TRIP13: variants seen among roughly 807,000 people sequenced by gnomAD.
The protein encoded by TRIP13 is thyroid hormone receptor interactor 13, also known as pachytene checkpoint protein 2 homolog.
TRIP13 carries 25 observed loss-of-function variants against 54.4 expected under a neutral mutation model. That is an observed-to-expected ratio of 0.46 (90% confidence interval 0.33 to 0.64). The LOEUF (loss-of-function observed/expected upper bound fraction) is 0.64. Among genes scored for constraint, TRIP13 ranks in the 30% least tolerant of loss-of-function variants. TRIP13 has a pLI of 0.02. For synonymous variants in TRIP13, 207 were observed against 207.8 expected (o/e 1.00, Z 0.03); for missense variants, 373 against 534.2 (o/e 0.70, Z 2.97).
chr5:908,321 T>G lies in TRIP13; in HGVS notation c.760-34T>G. The G allele has an allele frequency of 1.2e-6, 2 of 1,605,026 alleles. No individual in the cohort carries two copies. Among genetic ancestry groups the G allele is most frequent in the Non-Finnish European group, 1.7e-6 (2 of 1,177,952 alleles). On this transcript the variant is annotated intron_variant, in intron 8 of 12. Transcript: ENST00000166345. The surrounding 1 kb of genome is among the most constrained non-coding windows in gnomAD (Gnocchi z 5.2). ...TAGCTGCCTGTGAAGTGCCAGGCCC[T>G]GTCCTTTTTGACCCCACTGCTCCCT... is the stretch of plus-strand genomic sequence containing the variant.
In TRIP13 at chr5:908,126, T is replaced by C; in HGVS notation, c.759+52T>C. The C allele has an allele frequency of 6.3e-7, 1 of 1,596,542 alleles. No homozygotes were observed. The highest frequency in any genetic ancestry group is 8.6e-7 in the Non-Finnish European group (1 of 1,164,092). On this transcript the variant is annotated intron_variant, in intron 8 of 12. Coordinates refer to ENST00000166345, the MANE Select transcript of TRIP13 (RefSeq NM_004237.4). This position sits in a 1 kb window ranked among gnomAD's most constrained non-coding sequence, Gnocchi z 5.2. ...ATGACAGAATCGCCTTTTGCCATTGTGGGGACACAGCCTACTCCTGATGCT... is the reference window on the plus strand; with the variant it reads ...ATGACAGAATCGCCTTTTGCCATTGCGGGGACACAGCCTACTCCTGATGCT...
rs898082087 is a variant in TRIP13 at position 911,075 on chromosome 5, G to A, written c.867-768G>A. On this transcript the variant is annotated intron_variant, in intron 9 of 12. Transcript: ENST00000166345. The surrounding 1 kb of genome is among the most constrained non-coding windows in gnomAD (Gnocchi z 4.7). The stretch of plus-strand genomic sequence containing the variant: ...TGCCCGCTCTGCTGGCTCATGCTGG[G>A]TCCTTGGGGGACATTGGTCAACAGA... Among the ~76,000 whole-genome samples the A allele has an allele frequency of 1.3e-5, 2 of 152,248 alleles. 1 individual carries two copies. The highest frequency in any genetic ancestry group is 1.3e-4 in the Admixed American group (2 of 15,288).
rs1453464706 is a variant in TRIP13 at position 892,931 on chromosome 5, C to A, written c.-68C>A. On this transcript the variant is annotated 5_prime_UTR_variant, in exon 1 of 13. Coordinates refer to ENST00000166345, the MANE Select transcript of TRIP13 (RefSeq NM_004237.4). ...CCGCGGGCTGAGGCAGCGGCTGTGG[C>A]GGCGACGCTGGGCGTGAGGTGGCGG... is the stretch of plus-strand genomic sequence containing the variant. 8.8e-6 allele frequency: 12 copies of A among 1,364,100 alleles called. No individual in the cohort carries two copies. The Admixed American group carries it at 1.5e-4, about 18-fold the overall frequency. 84.5% of individuals were successfully genotyped at this position (1,364,100 alleles called of 1,614,324 possible).
At chr5:910,530 GCTGATGGCCTCGCTGTGCAC>G (rs1303823938) in intron 9 of TRIP13, among the ~76,000 whole-genome samples, 4 of 152,070 alleles carry the variant, frequency 2.6e-5, no homozygotes, top group Non-Finnish European at 5.9e-5. Flanking sequence ...TCCACACGAC[GCTGATGGCCTCGCTGTGCAC>G]CTGCCACTCA....
chr5:915,601 G>T lies in TRIP13; in HGVS notation c.1134-303G>T, dbSNP rs1022451113. 2.0e-5 allele frequency among the ~76,000 whole-genome samples: 3 copies of T among 152,212 alleles called. No individual in the cohort carries two copies. The highest frequency in any genetic ancestry group is 4.4e-5 in the Non-Finnish European group (3 of 68,034). On this transcript the variant is annotated intron_variant, in intron 11 of 12. Transcript: ENST00000166345. The surrounding 1 kb of genome is among the most constrained non-coding windows in gnomAD (Gnocchi z 4.2). Reference sequence around the variant, plus strand: ...GCCTTCCCTGAGCACAAGGATGCTGGCCCTGGGGCAGAGCACACAGGTGTG... The same window carrying T: ...GCCTTCCCTGAGCACAAGGATGCTGTCCCTGGGGCAGAGCACACAGGTGTG...
At chr5:901,208 A>T (rs753792141) in intron 4 of TRIP13, 133 bp from the exon 5 acceptor site, 10 of 633,686 alleles carry the variant, frequency 1.6e-5, no homozygotes, top group Non-Finnish European at 1.9e-5. Context: ...GGAGGTGATG[A>T]TCTCTTAGGA....
intron 5 of TRIP13, 88 bp downstream of exon 5, chr5:901,519 GCT>G (rs1753990315): frequency 7.6e-7 from 1 of 1,310,020 alleles, no homozygotes; most frequent in South Asian, 1.3e-5. Flanking sequence ...AGGAGTTACG[GCT>G]CTTTGTTTTC....
Position 908,085 on chromosome 5 carries a change from C to T in TRIP13, c.759+11C>T, listed in dbSNP as rs1397283710. The T allele has an allele frequency of 1.2e-6, 2 of 1,613,920 alleles. No individual in the cohort carries two copies. On this transcript the variant is annotated intron_variant, in intron 8 of 12. Coordinates refer to ENST00000166345, the MANE Select transcript of TRIP13 (RefSeq NM_004237.4). This position sits in a 1 kb window ranked among gnomAD's most constrained non-coding sequence, Gnocchi z 5.2. ...GTGCTGATTGATGAGGTAGGCATTTCCAGATAAGGAAATTCATGACAGAAT... is the reference window on the plus strand; with the variant it reads ...GTGCTGATTGATGAGGTAGGCATTTTCAGATAAGGAAATTCATGACAGAAT...
Position 917,197 on chromosome 5 carries a change from T to A in TRIP13, c.*94T>A. On this transcript the variant is annotated 3_prime_UTR_variant, in exon 13 of 13. Transcript: ENST00000166345. ...CAGCCGTCTCCCAGGGAATCCCTTC[T>A]GCAAACCAAACGTTACTTAGACTGC... The A allele has an allele frequency of 3.2e-6, 4 of 1,246,678 alleles. No homozygotes were observed. The highest frequency in any genetic ancestry group is 3.4e-6 in the Non-Finnish European group (3 of 886,176). The allele number at this position is 1,246,678 out of a possible 1,614,324, so 77.2% of individuals were successfully genotyped here.
rs1371764691 is a variant in TRIP13 at position 917,161 on chromosome 5, G to A, written c.*58G>A. On this transcript the variant is annotated 3_prime_UTR_variant, in exon 13 of 13. Coordinates refer to ENST00000166345, the MANE Select transcript of TRIP13 (RefSeq NM_004237.4). ...GGAGAACACACAACCAGTAAGTGAG[G>A]TTGCCCCACACAGCCGTCTCCCAGG... The A allele has an allele frequency of 1.3e-6, 2 of 1,565,784 alleles. No homozygotes were observed. Among genetic ancestry groups the A allele is most frequent in the African/African-American group, 2.7e-5 (2 of 73,870 alleles).
At chr5:894,171 G>A (rs1753821691) in intron 1 of TRIP13, among the ~76,000 whole-genome samples, 1 of 152,180 alleles carries the variant, frequency 6.6e-6, no homozygotes, top group African/African-American at 2.4e-5. Context: ...AGGGCTCAGA[G>A]GGAGGCAGAC....
intron 5 of TRIP13, among the ~76,000 whole-genome samples, chr5:901,942 G>A (rs991649810): frequency 6.6e-5 from 10 of 152,136 alleles, no homozygotes; most frequent in African/African-American, 1.9e-4. Flanking sequence ...TTGATTACTC[G>A]GCACTTAATC....
chr5:911,955 A>G lies in TRIP13; in HGVS notation c.979A>G (p.Ile327Val), dbSNP rs200589704. ...QYIGPPSAAA[I>V]FKIYLSCLEE... ...CATTGGGCCACCCTCTGCAGCAGCC[A>G]TCTTCAAAATCTACCTCTCTTGTTT... Residue 327 changes from isoleucine (I) to valine (V), a missense_variant, in exon 10 of 13, where the codon ATC (isoleucine) becomes GTC (valine). By Grantham distance (29) the Ile-to-Val change is conservative (BLOSUM62 3). This residue lies in a region of TRIP13 where 101 missense variants were observed against 138.5 expected (regional missense o/e 0.73). Transcript: ENST00000166345. The surrounding 1 kb of genome is among the most constrained non-coding windows in gnomAD (Gnocchi z 4.7). 92 of 1,613,352 alleles carry G rather than the reference A, an allele frequency of 5.7e-5. No homozygotes were observed. Among genetic ancestry groups the G allele is most frequent in the Non-Finnish European group, 1.4e-5 (17 of 1,179,902 alleles).
rs1260739436 is a variant in TRIP13, at chr5:908,308, A to C, written c.760-47A>C. 6.3e-7 allele frequency: 1 copy of C among 1,594,692 alleles called. No homozygotes were observed. Among genetic ancestry groups the C allele is most frequent in the Non-Finnish European group, 8.5e-7 (1 of 1,169,848 alleles). On this transcript the variant is annotated intron_variant, in intron 8 of 12. Coordinates refer to ENST00000166345, the MANE Select transcript of TRIP13 (RefSeq NM_004237.4). The surrounding 1 kb of genome is among the most constrained non-coding windows in gnomAD (Gnocchi z 5.2). ...GGACGTATCCCCATAGCTGCCTGTG[A>C]AGTGCCAGGCCCTGTCCTTTTTGAC...
downstream of TRIP13, chr5:918,147 A>G (rs1259078940): frequency 6.6e-6 from 1 of 152,102 alleles, no homozygotes; most frequent in Admixed American, 6.5e-5. This position sits in a 1 kb window ranked among gnomAD's most constrained non-coding sequence, Gnocchi z 4.3. Flanking sequence ...TGGTGTGGGG[A>G]CCTTATGGTG....
chr5:915,814 C>G lies in TRIP13; in HGVS notation c.1134-90C>G. On this transcript the variant is annotated intron_variant, in intron 11 of 12. Transcript: ENST00000166345. This position sits in a 1 kb window ranked among gnomAD's most constrained non-coding sequence, Gnocchi z 4.2. ...TGCTTGGGACGCCTCGGCTTGTGTT[C>G]CCAGGGATGCCTCGGCCAATGAGGA... is the stretch of plus-strand genomic sequence containing the variant. 1 of 1,420,486 alleles carries G rather than the reference C, an allele frequency of 7.0e-7. No individual in the cohort carries two copies. Among genetic ancestry groups the G allele is most frequent in the South Asian group, 1.2e-5 (1 of 86,136 alleles). 88.0% of individuals were successfully genotyped at this position (1,420,486 alleles called of 1,614,324 possible). A position where few individuals can be genotyped will look rare whatever the true frequency, so the allele number is the denominator to read the frequency against.
rs1445256045 is a variant in TRIP13 at position 915,039 on chromosome 5, G to A, written c.1133+462G>A. The stretch of plus-strand genomic sequence containing the variant: ...TCTAGTGGGTTGCAGTGTGGAGGCT[G>A]GGGAGGTGCCGGAGAGGCGGGGGGT... On this transcript the variant is annotated intron_variant, in intron 11 of 12. Coordinates refer to ENST00000166345, the MANE Select transcript of TRIP13 (RefSeq NM_004237.4). The surrounding 1 kb of genome is among the most constrained non-coding windows in gnomAD (Gnocchi z 4.2). 6.6e-6 allele frequency among the ~76,000 whole-genome samples: 1 copy of A among 152,144 alleles called. No homozygotes were observed. The highest frequency in any genetic ancestry group is 1.9e-4 in the East Asian group (1 of 5,194).
Position 894,735 on chromosome 5 carries a change from AT to A in TRIP13, c.93-48del, listed in dbSNP as rs527460361. ...GTTTTTCAAAACACTTCATTTTAAC[AT>A]TTTGTTTTTGAACTAAGATCATTTA... On this transcript the variant is annotated intron_variant, in intron 1 of 12. Transcript: ENST00000166345. The A allele has an allele frequency of 6.6e-5, 103 of 1,548,970 alleles. 2 individuals carry two copies. In the South Asian group the frequency reaches 1.2e-3, roughly 18 times the overall value.
chr5:893,900 G>A (rs1458317767), intron 1 of TRIP13, among the ~76,000 whole-genome samples: 1 of 152,076 alleles, frequency 6.6e-6, no homozygotes, highest in African/African-American at 2.4e-5. Flanking sequence ...AAACACCTTA[G>A]CGCTCAGAGA....
Sources: gnomAD v4.1 joint callset for allele counts (sites outside exome capture counted in the v4.1 genomes callset) on GRCh38, gnomAD v4.1.1 for gene constraint, gnomAD v4.1.1 regional missense constraint, Gnocchi (gnomAD v3.1) non-coding constraint, MANE v1.5 for transcripts, NCBI Gene and HGNC (gene_info 2026-07-23, HGNC 2026-07-21) for gene names.